MAP3K5: variants seen among roughly 807,000 people sequenced by gnomAD.
MAP3K5 encodes the protein mitogen-activated protein kinase kinase kinase 5.
In MAP3K5, 56 loss-of-function variants were observed where a neutral mutation model predicts 158.7. That is an observed-to-expected ratio of 0.35 (90% confidence interval 0.28 to 0.44). The LOEUF (loss-of-function observed/expected upper bound fraction) is 0.44, where lower values mean the gene tolerates loss of function less well. Among genes scored for constraint, MAP3K5 ranks in the 20% least tolerant of loss-of-function variants. The probability of loss-of-function intolerance (pLI) is 1.00; values close to 1 mark genes in which losing one functional copy is unlikely to be tolerated. For missense variants in MAP3K5, 1,294 were observed against 1,674.8 expected, an observed-to-expected ratio of 0.77 and a Z score of 3.97; for synonymous variants, 579 against 601.7, an observed-to-expected ratio of 0.96 and a Z score of 0.55.
At chr6:136,617,905 C>T (rs559292344) in intron 15 of MAP3K5, among the ~76,000 whole-genome samples, 1 of 152,216 alleles carries the variant, frequency 6.6e-6, no homozygotes, top group East Asian at 1.9e-4. Context: ...TGCACTCCAG[C>T]CTGGGCGACA....
chr6:136,697,524 CTAAA>C (rs1399807702), intron 4 of MAP3K5, 137 bp from the exon 5 acceptor site: 8 of 593,030 alleles, frequency 1.3e-5, no homozygotes, highest in African/African-American at 3.8e-5. Context: ...ATTCAGATGC[CTAAA>C]TAAATATCTT....
chr6:136,640,080 A>G (rs796337750), intron 12 of MAP3K5, among the ~76,000 whole-genome samples: 3 of 152,260 alleles, frequency 2.0e-5, no homozygotes, highest in East Asian at 1.9e-4. Flanking sequence ...CACCTCATTC[A>G]TTATAGAGAT....
At chr6:136,672,714 A>G (rs1779534145) in intron 7 of MAP3K5, among the ~76,000 whole-genome samples, 1 of 152,024 alleles carries the variant, frequency 6.6e-6, no homozygotes, top group Admixed American at 6.5e-5. Flanking sequence ...AATTTACCAC[A>G]TTTTGGGCTG....
At chr6:136,759,482 A>ATATAT (rs1420942856) in intron 1 of MAP3K5, among the ~76,000 whole-genome samples, 10 of 141,980 alleles carry the variant, frequency 7.0e-5, no homozygotes, top group African/African-American at 1.0e-4. Context: ...ATATATATAT[A>ATATAT]AAGTTTGAGA....
chr6:136,791,527 C>G (rs1562711248), intron 1 of MAP3K5, among the ~76,000 whole-genome samples, 183 bp downstream of exon 1: 1 of 152,210 alleles, frequency 6.6e-6, no homozygotes, highest in African/African-American at 2.4e-5. Flanking sequence ...CAGACTCTTG[C>G]ACAAGCACAC....
In MAP3K5 at chr6:136,698,671, C is replaced by A; in HGVS notation, c.624G>T (p.Gly208=). The change falls in exon 4 of 30, where the codon GGG becomes GGT. Residue 208 remains glycine, a synonymous_variant. Transcript: ENST00000359015. ...IICQKNTMCT[G]NYTFVPYMIT... is the part of the protein sequence containing the mutation. ...TCATGTAAGGAACAAAGGTGTAGTTCCCAGTGCACATCTGCGGAGAGAGGA... is the reference window on the plus strand; with the variant it reads ...TCATGTAAGGAACAAAGGTGTAGTTACCAGTGCACATCTGCGGAGAGAGGA... The A allele has an allele frequency of 6.2e-7, 1 of 1,612,930 alleles. No individual in the cohort carries two copies. The highest frequency in any genetic ancestry group is 1.1e-5 in the South Asian group (1 of 91,004).
chr6:136,637,525 C>G, intron 13 of MAP3K5, 119 bp from the exon 14 acceptor site: 1 of 665,488 alleles, frequency 1.5e-6, no homozygotes, highest in Middle Eastern at 2.5e-4. Flanking sequence ...CAGAACCAGG[C>G]AATAACACAC....
chr6:136,564,834 T>C (rs1425241214), intron 26 of MAP3K5, among the ~76,000 whole-genome samples: 6 of 152,176 alleles, frequency 3.9e-5, no homozygotes, highest in African/African-American at 1.4e-4. Context: ...AATAGCTGAG[T>C]CTTGGCTAAT....
chr6:136,639,484 A>G, intron 13 of MAP3K5, 59 bp downstream of exon 13: 1 of 884,662 alleles, frequency 1.1e-6, no homozygotes, highest in Non-Finnish European at 1.8e-6. Flanking sequence ...TTCACTCATT[A>G]CTTGAAAATA....
chr6:136,729,999 G>T (rs1417108192), intron 1 of MAP3K5, among the ~76,000 whole-genome samples: 1 of 152,154 alleles, frequency 6.6e-6, no homozygotes, highest in East Asian at 1.9e-4. Flanking sequence ...CTGAGACAGG[G>T]TCTCACTCTG....
intron 2 of MAP3K5, among the ~76,000 whole-genome samples, chr6:136,705,654 T>C (rs891017178): frequency 6.6e-6 from 1 of 152,152 alleles, no homozygotes; most frequent in African/African-American, 2.4e-5. Flanking sequence ...GAAAGTATTG[T>C]CTGCAGTTTA....
Position 136,592,219 on chromosome 6 carries a change from T to G in MAP3K5, c.3179A>C (p.Glu1060Ala). The change falls in exon 23 of 30, where the codon GAA becomes GCA. Residue 1060 changes from glutamate to alanine, a missense_variant. By Grantham distance (107) the Glu-to-Ala change is moderately radical. Around this residue, in one of 5 missense-constraint regions of MAP3K5, gnomAD observed 362 missense variants for 463.2 expected, o/e 0.78. Transcript: ENST00000359015. ...RRATLHRILT[E>A]DQDKIVRNLM... is the part of the protein sequence containing the mutation. ...GTTTCTCACAATTTTGTCTTGGTCT[T>G]CCGTCAGGATCCTGTGAAGGGTAGC... 6.2e-7 allele frequency: 1 copy of G among 1,606,722 alleles called. No individual in the cohort carries two copies. The highest frequency in any genetic ancestry group is 8.5e-7 in the Non-Finnish European group (1 of 1,177,168).
chr6:136,698,725 A>G, intron 3 of MAP3K5, 43 bp from the exon 4 acceptor site: 1 of 1,437,078 alleles, frequency 7.0e-7, no homozygotes, highest in Non-Finnish European at 9.7e-7. Context: ...GCTGGCCTGG[A>G]GACACGGCAC....
At chr6:136,769,423 A>G (rs980729829) in intron 1 of MAP3K5, among the ~76,000 whole-genome samples, 1 of 152,080 alleles carries the variant, frequency 6.6e-6, no homozygotes. Context: ...GGAATTAGAT[A>G]TTGGTGATGG....
intron 7 of MAP3K5, among the ~76,000 whole-genome samples, chr6:136,690,867 T>C (rs982919542): frequency 1.3e-5 from 2 of 152,224 alleles, no homozygotes; most frequent in Non-Finnish European, 2.9e-5. Context: ...TTAACATTTC[T>C]TGTAGTGAAG....
chr6:136,713,406 C>T (rs1003927339), intron 2 of MAP3K5, among the ~76,000 whole-genome samples: 5 of 152,114 alleles, frequency 3.3e-5, no homozygotes, highest in African/African-American at 1.2e-4. Context: ...ATATTTTACC[C>T]AGTCTATACA....
intron 21 of MAP3K5, among the ~76,000 whole-genome samples, chr6:136,596,939 A>G (rs1014083469): frequency 2.0e-5 from 3 of 152,212 alleles, no homozygotes; most frequent in African/African-American, 7.2e-5. Context: ...TTCCTCGAAC[A>G]TAAGCTCATA....
intron 1 of MAP3K5, among the ~76,000 whole-genome samples, chr6:136,756,653 CT>C (rs1783504590): frequency 6.6e-6 from 1 of 152,174 alleles, no homozygotes; most frequent in South Asian, 2.1e-4. Context: ...TGGTCAGCCC[CT>C]TTACCCTCCT....
At chr6:136,587,663 G>A (rs1172318798) in intron 23 of MAP3K5, among the ~76,000 whole-genome samples, 1 of 152,116 alleles carries the variant, frequency 6.6e-6, no homozygotes, top group Non-Finnish European at 1.5e-5. Flanking sequence ...CACAGGAAAG[G>A]ATTCCCAACA....
Sources: allele counts gnomAD v4.1 joint callset (sites outside exome capture counted in the v4.1 genomes callset), GRCh38; gene constraint gnomAD v4.1.1; regional missense constraint gnomAD v4.1.1; transcripts MANE v1.5; gene names NCBI Gene and HGNC (gene_info 2026-07-23, HGNC 2026-07-21).